The following MRPL4 variants were observed in gnomAD, a reference collection of about 807,000 sequenced individuals.
MRPL4 encodes mitochondrial ribosomal protein L4.
In MRPL4, 34 loss-of-function variants were observed where a neutral mutation model predicts 34.1. That is an observed-to-expected ratio of 1.00 (90% confidence interval 0.76 to 1.33). The LOEUF (loss-of-function observed/expected upper bound fraction) is 1.33, where lower values mean the gene tolerates loss of function less well. MRPL4 is among the 40% of genes most tolerant of loss of function. The pLI is 0.00. For synonymous variants in MRPL4, 196 were observed against 188.3 expected (o/e 1.04, Z -0.33); for missense variants, 402 against 434.6 (o/e 0.92, Z 0.67).
intron 5 of MRPL4, among the ~76,000 whole-genome samples, chr19:10,257,246 C>A (rs2039860992): frequency 6.6e-6 from 1 of 152,168 alleles, no homozygotes. Context: ...ACCTTTCCCC[C>A]TCATCCCCTC....
rs569528446 is a variant in MRPL4, at chr19:10,253,376, G to A, written c.275+675G>A. On this transcript the variant is annotated intron_variant, in intron 3 of 8. Transcript: ENST00000253099. ...CGTCTGTAGTCCCAGGTACTCTGGA[G>A]GCTGAGGCAAGAGAATGGCGTGAAC... Among the ~76,000 whole-genome samples, 4 of 151,314 alleles carry A rather than the reference G, an allele frequency of 2.6e-5. No individual in the cohort carries two copies. In the South Asian group the frequency reaches 8.3e-4, roughly 32 times the overall value.
At chr19:10,259,155 G>T in intron 8 of MRPL4, 1 of 978,404 alleles carries the variant, frequency 1.0e-6, no homozygotes, top group Non-Finnish European at 1.3e-6. Context: ...CAAAGCCACA[G>T]TCTGTTCCTT....
Position 10,259,616 on chromosome 19 carries a change from G to T in MRPL4, c.740-1G>T. The T allele has an allele frequency of 2.7e-6, 2 of 736,578 alleles. No individual in the cohort carries two copies. The highest frequency in any genetic ancestry group is 3.2e-6 in the Non-Finnish European group (2 of 616,434). The allele number at this position is 736,578 out of a possible 1,614,324, so 45.6% of individuals were successfully genotyped here. Reference sequence around the variant, plus strand: ...CCGCCCCGCCCCCACCCCGCCCCCAGGCCTAAATGTGCACAGCATGCTCAA... The same window carrying T: ...CCGCCCCGCCCCCACCCCGCCCCCATGCCTAAATGTGCACAGCATGCTCAA... On this transcript the variant is annotated splice_acceptor_variant, in intron 8 of 8. Transcript: ENST00000253099. LOFTEE classifies it high-confidence loss of function.
chr19:10,252,062 T>G (rs2145463259), upstream of MRPL4: 1 of 615,344 alleles, frequency 1.6e-6, no homozygotes, highest in Non-Finnish European at 2.7e-6. Context: ...GAAAATTGGG[T>G]CTGGGGGTTA....
chr19:10,257,787 A>G (rs1418018275), intron 5 of MRPL4, among the ~76,000 whole-genome samples: 1 of 151,950 alleles, frequency 6.6e-6, no homozygotes, highest in African/African-American at 2.4e-5. Context: ...TATGGAATCC[A>G]CACCATAACT....
intron 8 of MRPL4, 25 bp from the exon 9 acceptor site, chr19:10,259,592 C>CT: frequency 6.8e-7 from 1 of 1,471,248 alleles, no homozygotes; most frequent in Non-Finnish European, 8.9e-7. Flanking sequence ...ACCGGCCCCC[C>CT]GCCCCGCCCC....
chr19:10,252,461 AGGGT>A lies in MRPL4; in HGVS notation c.123_124+2del, dbSNP rs2039802097. 1 of 1,613,482 alleles carries A rather than the reference AGGGT, an allele frequency of 6.2e-7. No individual in the cohort carries two copies. Among genetic ancestry groups the A allele is most frequent in the Admixed American group, 1.7e-5 (1 of 59,950 alleles). On this transcript the variant is annotated splice_donor_variant and coding_sequence_variant, in exon 2 of 9. Transcript: ENST00000253099. LOFTEE classifies it high-confidence loss of function. ...GAGAACCCGGAGCAGGTGGCGAGCG[AGGGT>A]AAGGCAACCGGGGTGGCTCCAGGAG...
chr19:10,257,552 G>A (rs1356559264), intron 5 of MRPL4, among the ~76,000 whole-genome samples: 1 of 152,100 alleles, frequency 6.6e-6, no homozygotes, highest in Non-Finnish European at 1.5e-5. Context: ...CAGGGACCAT[G>A]TCTGTTGTCT....
intron 5 of MRPL4, among the ~76,000 whole-genome samples, chr19:10,257,911 A>G (rs1399227811): frequency 7.2e-5 from 11 of 151,866 alleles, no homozygotes; most frequent in Admixed American, 5.9e-4. Context: ...CAGTGGTGCA[A>G]TCATAGCTCA....
chr19:10,252,994 C>T, intron 3 of MRPL4: 2 of 407,262 alleles, frequency 4.9e-6, no homozygotes, highest in Non-Finnish European at 8.8e-6. Context: ...ATTTTGTCAG[C>T]GGTCGGGAGG....
chr19:10,258,123 G>T lies in MRPL4; in HGVS notation c.446-99G>T, dbSNP rs891487594. ...CCCTCTCTGCCTTGTTCCTGGCAGC[G>T]CCCCCTCTCTCGTCACCCCATGCCA... is the stretch of plus-strand genomic sequence containing the variant. On this transcript the variant is annotated intron_variant, in intron 5 of 8. Coordinates refer to ENST00000253099, the MANE Select transcript of MRPL4 (RefSeq NM_015956.3). The T allele has an allele frequency of 1.1e-5, 9 of 799,392 alleles. No homozygotes were observed. In the South Asian group the frequency reaches 1.4e-4, roughly 13 times the overall value. The allele number at this position is 799,392 out of a possible 1,614,324, so 49.5% of individuals were successfully genotyped here.
Position 10,252,579 on chromosome 19 carries a change from C to A in MRPL4, c.153C>A (p.Val51=), listed in dbSNP as rs1348539340. The stretch of plus-strand genomic sequence containing the variant: ...TCCCGGAGCCCGTGCTGCGCAAAGT[C>A]GAGCTCCCGGTACCCACTCATCGAC... ...EGLPEPVLRK[V]ELPVPTHRRP... The change falls in exon 3 of 9, where the codon GTC becomes GTA. Residue 51 remains valine, a synonymous_variant. Transcript: ENST00000253099. The A allele has an allele frequency of 4.3e-6, 7 of 1,613,086 alleles. No homozygotes were observed. The South Asian group carries it at 7.7e-5, about 18-fold the overall frequency.
At chr19:10,252,334 G>T in intron 1 of MRPL4, 24 bp downstream of exon 1, 2 of 1,612,782 alleles carry the variant, frequency 1.2e-6, no homozygotes, top group Non-Finnish European at 1.7e-6. Context: ...CTGGAGGCGT[G>T]GTCGAAGGAT....
intron 5 of MRPL4, among the ~76,000 whole-genome samples, chr19:10,257,884 T>C (rs1011746227): frequency 6.6e-6 from 1 of 152,114 alleles, no homozygotes; most frequent in African/African-American, 2.4e-5. Flanking sequence ...TCTCGCTCTG[T>C]TGCCCAGGCT....
intron 5 of MRPL4, among the ~76,000 whole-genome samples, chr19:10,257,925 C>T (rs944519265): frequency 6.6e-6 from 1 of 152,018 alleles, no homozygotes. Flanking sequence ...TAGCTCACTG[C>T]AGCCTTGAGC....
intron 5 of MRPL4, among the ~76,000 whole-genome samples, chr19:10,257,744 C>T (rs1409294055): frequency 2.0e-5 from 3 of 151,968 alleles, no homozygotes; most frequent in East Asian, 3.9e-4. Context: ...GCATTAACAG[C>T]GTGCTTGAGT....
intron 8 of MRPL4, chr19:10,259,347 C>T: frequency 7.2e-7 from 1 of 1,387,622 alleles, no homozygotes. Context: ...GTCTCCCCCA[C>T]CAGAATGGGA....
rs2145465218 is a variant in MRPL4, at chr19:10,252,824, C to T, written c.275+123C>T. The T allele has an allele frequency of 2.3e-6, 3 of 1,326,990 alleles. No homozygotes were observed. The East Asian group carries it at 7.4e-5, about 33-fold the overall frequency. 82.2% of individuals were successfully genotyped at this position (1,326,990 alleles called of 1,614,324 possible). A position where few individuals can be genotyped will look rare whatever the true frequency, so the allele number is the denominator to read the frequency against. ...CTGTATTTCTACAGCCTCCGTTTCT[C>T]CACCTGTCAAAGGGGAATGATGACA... On this transcript the variant is annotated intron_variant, in intron 3 of 8. Transcript: ENST00000253099.
At chr19:10,255,084 G>T (rs1298690634) in intron 4 of MRPL4, 2 of 155,830 alleles carry the variant, frequency 1.3e-5, no homozygotes, top group East Asian at 1.9e-4. Context: ...GATTACAGGC[G>T]TGAGCCACCG....
Sources: gnomAD v4.1 joint callset for allele counts (sites outside exome capture counted in the v4.1 genomes callset) on GRCh38, gnomAD v4.1.1 for gene constraint, MANE v1.5 for transcripts, NCBI Gene and HGNC (gene_info 2026-07-23, HGNC 2026-07-21) for gene names.